RPS28: variants seen among roughly 807,000 people sequenced by gnomAD.
RPS28 encodes the protein ribosomal protein S28.
RPS28 carries 2 observed loss-of-function variants against 9.4 expected under a neutral mutation model. That is an observed-to-expected ratio of 0.21 (90% CI 0.09 to 0.67). The LOEUF (loss-of-function observed/expected upper bound fraction) is 0.67, where lower values mean the gene tolerates loss of function less well. RPS28 is among the 30% of genes least tolerant of loss of function. The pLI, the probability that RPS28 is intolerant of heterozygous loss-of-function variation, is 0.82. For missense variants in RPS28, 35 were observed against 95.3 expected, an observed-to-expected ratio of 0.37 and a Z score of 2.63; for synonymous variants, 41 against 37.8, an observed-to-expected ratio of 1.08 and a Z score of -0.31.
chr19:8,321,978 C>T lies in RPS28; in HGVS notation c.113C>T (p.Thr38Met). 6.3e-7 allele frequency: 1 copy of T among 1,592,604 alleles called. No individual in the cohort carries two copies. The highest frequency in any genetic ancestry group is 8.5e-7 in the Non-Finnish European group (1 of 1,172,452). The change falls in exon 3 of 4, where the codon ACG becomes ATG. Residue 38 changes from threonine (T) to methionine (M), a missense_variant. By Grantham distance (81) the Thr-to-Met change is moderately conservative. This residue lies in a region of RPS28 where 10 missense variants were observed against 62.8 expected (regional missense o/e 0.16). Coordinates refer to ENST00000600659, the MANE Select transcript of RPS28 (RefSeq NM_001031.5). ...GTGCGCGTGGAATTCATGGACGACACGAGCCGATCCATCATCCGCAATGTA... is the reference window on the plus strand; with the variant it reads ...GTGCGCGTGGAATTCATGGACGACATGAGCCGATCCATCATCCGCAATGTA... ...TQVRVEFMDDTSRSIIRNVKG... is the reference protein window; with the variant it reads ...TQVRVEFMDDMSRSIIRNVKG...
rs754651972 is a variant in RPS28 at position 8,322,956 on chromosome 19, A to T, written c.*701A>T. On this transcript the variant is annotated 3_prime_UTR_variant, in exon 4 of 4. Coordinates refer to ENST00000600659, the MANE Select transcript of RPS28 (RefSeq NM_001031.5). ...AGGGGAAAAGAGGGGGGCCTGCTGC[A>T]ATCTCCTTGAGGCAGGAAACGTGGG... 11 of 1,227,948 alleles carry T rather than the reference A, an allele frequency of 9.0e-6. No homozygotes were observed. In the East Asian group the frequency reaches 1.1e-4, roughly 12 times the overall value. The allele number at this position is 1,227,948 out of a possible 1,614,324, so 76.1% of individuals were successfully genotyped here.
chr19:8,322,187 A>G, intron 3 of RPS28, 85 bp from the exon 4 acceptor site: 1 of 1,323,736 alleles, frequency 7.6e-7, no homozygotes, highest in South Asian at 1.2e-5. Context: ...GGCAGAGTCT[A>G]CATACAGAGA....
chr19:8,322,290 C>G lies in RPS28; in HGVS notation c.*35C>G, dbSNP rs1335641362. 1 of 704,522 alleles carries G rather than the reference C, an allele frequency of 1.4e-6. No individual in the cohort carries two copies. The highest frequency in any genetic ancestry group is 2.8e-5 in the East Asian group (1 of 35,972). The allele number at this position is 704,522 out of a possible 1,614,324, so 43.6% of individuals were successfully genotyped here. A position where few individuals can be genotyped will look rare whatever the true frequency, so the allele number is the denominator to read the frequency against. On this transcript the variant is annotated 3_prime_UTR_variant, in exon 4 of 4. Coordinates refer to ENST00000600659, the MANE Select transcript of RPS28 (RefSeq NM_001031.5). ...TTTACAGGGTCTTGGATGTCGGGTT[C>G]GACCACTTGGCCGATGGGAATGGTC...
intron 3 of RPS28, 54 bp downstream of exon 3, chr19:8,322,145 C>T: frequency 6.3e-7 from 1 of 1,575,916 alleles, no homozygotes; most frequent in South Asian, 1.1e-5. Context: ...GGTAGGGAGG[C>T]TTCGTTAAGC....
intron 2 of RPS28, 57 bp downstream of exon 2, chr19:8,321,760 C>CT: frequency 6.6e-7 from 1 of 1,525,260 alleles, no homozygotes; most frequent in Non-Finnish European, 8.9e-7. Context: ...GATGTGACCT[C>CT]TACCCTGCCC....
intron 2 of RPS28, 21 bp downstream of exon 2, chr19:8,321,724 GGCCGACT>G: frequency 3.9e-6 from 6 of 1,555,254 alleles, no homozygotes; most frequent in Non-Finnish European, 5.2e-6. Flanking sequence ...GGGGGCATTT[GGCCGACT>G]GCCGGCGACC....
rs999402422 is a variant in RPS28, at chr19:8,323,141, G to C, written c.*886G>C. On this transcript the variant is annotated 3_prime_UTR_variant, in exon 4 of 4. Coordinates refer to ENST00000600659, the MANE Select transcript of RPS28 (RefSeq NM_001031.5). Reference sequence around the variant, plus strand: ...TACAGGTGTTCCTCAGTTTACAATGGGTTACATTCCGGTGAGTACATCATA... The same window carrying C: ...TACAGGTGTTCCTCAGTTTACAATGCGTTACATTCCGGTGAGTACATCATA... 5 of 400,502 alleles carry C rather than the reference G, an allele frequency of 1.2e-5. No individual in the cohort carries two copies. Among genetic ancestry groups the C allele is most frequent in the Middle Eastern group, 6.4e-4 (1 of 1,554 alleles). The allele number at this position is 400,502 out of a possible 1,614,324, so 24.8% of individuals were successfully genotyped here. A position where few individuals can be genotyped will look rare whatever the true frequency, so the allele number is the denominator to read the frequency against.
At chr19:8,321,851 C>G (rs533056747) in intron 2 of RPS28, 102 bp from the exon 3 acceptor site, 20 of 1,535,418 alleles carry the variant, frequency 1.3e-5, no homozygotes, top group Admixed American at 3.8e-5. Context: ...GATCTGTATT[C>G]TGGCCCCGAC....
intron 2 of RPS28, 45 bp downstream of exon 2, chr19:8,321,748 C>G (rs997588168): frequency 5.2e-6 from 8 of 1,536,948 alleles, no homozygotes; most frequent in Non-Finnish European, 7.0e-6. Flanking sequence ...GACCTAAACC[C>G]TGATGTGACC....
intron 2 of RPS28, 39 bp from the exon 3 acceptor site, chr19:8,321,914 C>T: frequency 1.2e-6 from 2 of 1,609,484 alleles, no homozygotes; most frequent in Non-Finnish European, 1.7e-6. Flanking sequence ...TTCCGCGGCC[C>T]GCCCTTACTT....
chr19:8,322,739 C>G lies in RPS28; in HGVS notation c.*484C>G. 2 of 583,744 alleles carry G rather than the reference C, an allele frequency of 3.4e-6. No homozygotes were observed. The highest frequency in any genetic ancestry group is 5.9e-6 in the Non-Finnish European group (2 of 340,712). The allele number at this position is 583,744 out of a possible 1,614,324, so 36.2% of individuals were successfully genotyped here. On this transcript the variant is annotated 3_prime_UTR_variant, in exon 4 of 4. Transcript: ENST00000600659. ...GCCTTTCTCTTCGGCCAGTGTTAGC[C>G]TCTGAGCAGGGGACCCTGGACCCTT...
chr19:8,322,582 C>A lies in RPS28; in HGVS notation c.*327C>A, dbSNP rs563258074. On this transcript the variant is annotated 3_prime_UTR_variant, in exon 4 of 4. Transcript: ENST00000600659. Reference sequence around the variant, plus strand: ...CCCTCTACCCCAAACAAAACACAAGCGTAGTAGGAATGTTTTATTAGCAAA... The same window carrying A: ...CCCTCTACCCCAAACAAAACACAAGAGTAGTAGGAATGTTTTATTAGCAAA... 8.9e-5 allele frequency: 48 copies of A among 540,826 alleles called. No individual in the cohort carries two copies. The African/African-American group carries it at 9.2e-4, about 10-fold the overall frequency. 33.5% of individuals were successfully genotyped at this position (540,826 alleles called of 1,614,324 possible).
intron 3 of RPS28, 27 bp downstream of exon 3, chr19:8,322,118 A>G: frequency 3.1e-6 from 5 of 1,604,368 alleles, no homozygotes; most frequent in Non-Finnish European, 4.3e-6. Flanking sequence ...CACCCCTTTG[A>G]TAGACCTTTG....
At chr19:8,321,883 G>C (rs1221049543) in intron 2 of RPS28, 70 bp from the exon 3 acceptor site, 5 of 1,589,144 alleles carry the variant, frequency 3.1e-6, no homozygotes, top group Non-Finnish European at 4.3e-6. Context: ...ATTCATATCT[G>C]CTTCCCACTC....
rs982232011 is a variant in RPS28, at chr19:8,322,941, AGG to A, written c.*691_*692del. The A allele has an allele frequency of 1.5e-5, 21 of 1,372,292 alleles. No individual in the cohort carries two copies. The highest frequency in any genetic ancestry group is 2.0e-5 in the Non-Finnish European group (20 of 1,014,726). The allele number at this position is 1,372,292 out of a possible 1,614,324, so 85.0% of individuals were successfully genotyped here. On this transcript the variant is annotated 3_prime_UTR_variant, in exon 4 of 4. Coordinates refer to ENST00000600659, the MANE Select transcript of RPS28 (RefSeq NM_001031.5). ...ACTCGCTCTGGAGAGAGGGGAAAAG[AGG>A]GGGGCCTGCTGCAATCTCCTTGAGG...
chr19:8,321,887 C>G (rs1278337735), intron 2 of RPS28, 66 bp from the exon 3 acceptor site: 1 of 1,594,124 alleles, frequency 6.3e-7, no homozygotes, highest in East Asian at 2.3e-5. Context: ...ATATCTGCTT[C>G]CCACTCCGCG....
rs4147653 is a variant in RPS28, at chr19:8,322,735, TAGCCTCTG to T, written c.*484_*491del. 166,946 of 856,662 alleles carry T rather than the reference TAGCCTCTG, an allele frequency of 0.19. 16,675 individuals carry two copies. Among genetic ancestry groups the T allele is most frequent in the Non-Finnish European group, 0.23 (125,861 of 543,706 alleles). 53.1% of individuals were successfully genotyped at this position (856,662 alleles called of 1,614,324 possible). A position where few individuals can be genotyped will look rare whatever the true frequency, so the allele number is the denominator to read the frequency against. The stretch of plus-strand genomic sequence containing the variant: ...AATTGCCTTTCTCTTCGGCCAGTGT[TAGCCTCTG>T]AGCAGGGGACCCTGGACCCTTCTGT... On this transcript the variant is annotated 3_prime_UTR_variant, in exon 4 of 4. Transcript: ENST00000600659.
intron 2 of RPS28, 64 bp from the exon 3 acceptor site, chr19:8,321,889 C>T: frequency 1.3e-6 from 2 of 1,596,134 alleles, no homozygotes; most frequent in Non-Finnish European, 1.7e-6. Flanking sequence ...ATCTGCTTCC[C>T]ACTCCGCGGT....
At position 8,322,887 on chromosome 19, in the gene RPS28, A is replaced by G; in HGVS notation, c.*632A>G. The G allele has an allele frequency of 6.4e-7, 1 of 1,571,918 alleles. No homozygotes were observed. On this transcript the variant is annotated 3_prime_UTR_variant, in exon 4 of 4. Transcript: ENST00000600659. The stretch of plus-strand genomic sequence containing the variant: ...CATTGTCACCGCATTCTCCTTCACC[A>G]GGTGTGGCTGTCTGGGAGCCAGGGG...
Sources: gnomAD v4.1 joint callset for allele counts on GRCh38, gnomAD v4.1.1 for gene constraint, gnomAD v4.1.1 regional missense constraint, MANE v1.5 for transcripts, NCBI Gene and HGNC (gene_info 2026-07-23, HGNC 2026-07-21) for gene names.